COBLL1: variants seen among roughly 807,000 people sequenced by gnomAD.
COBLL1 encodes cordon-bleu protein-like 1.
Under a neutral mutation model 94.8 loss-of-function variants are expected in COBLL1, and 50 were observed. That is an observed-to-expected ratio of 0.53 (90% CI 0.42 to 0.67). The LOEUF (loss-of-function observed/expected upper bound fraction) is 0.67, where lower values mean the gene tolerates loss of function less well. Ranked by LOEUF, COBLL1 falls within the 30% of genes least tolerant of loss-of-function variation. COBLL1 has a pLI of 0.00. For synonymous variants in COBLL1, 448 were observed against 473.8 expected (o/e 0.95, Z 0.71); for missense variants, 1,362 against 1,348.7 (o/e 1.01, Z -0.15).
chr2:164,820,678 G>T (rs1574651424), intron 2 of COBLL1, among the ~76,000 whole-genome samples: 2 of 152,098 alleles, frequency 1.3e-5, no homozygotes, highest in South Asian at 4.1e-4. Flanking sequence ...AAACACACAA[G>T]TTCAAAATGT....
chr2:164,805,333 C>CTATATATATATA (rs1406604214), intron 2 of COBLL1, among the ~76,000 whole-genome samples: 24 of 20,540 alleles, frequency 1.2e-3, no homozygotes, highest in Non-Finnish European at 1.4e-3. Flanking sequence ...CTCTCTCTCT[C>CTATATATATATA]TCTCTATATA....
At chr2:164,761,191 C>T (rs1477270083) in intron 2 of COBLL1, 1 of 152,348 alleles carries the variant, frequency 6.6e-6, no homozygotes, top group Non-Finnish European at 1.5e-5. Context: ...GGTGGATCGC[C>T]TGAGGTCGGG....
chr2:164,815,460 G>A (rs1047573297), intron 2 of COBLL1, among the ~76,000 whole-genome samples: 113 of 150,758 alleles, frequency 7.5e-4, no homozygotes, highest in African/African-American at 2.7e-3. Context: ...AGGCAAGAGA[G>A]CACAGTGATA....
intron 2 of COBLL1, among the ~76,000 whole-genome samples, chr2:164,753,227 C>A (rs1007598211): frequency 8.5e-5 from 13 of 152,108 alleles, no homozygotes; most frequent in Admixed American, 3.3e-4. Context: ...AAGGGAATGG[C>A]AAACCCAAAA....
At chr2:164,727,062 C>T (rs1437524385) in intron 5 of COBLL1, 5 of 1,037,350 alleles carry the variant, frequency 4.8e-6, no homozygotes, top group Middle Eastern at 4.3e-4. Context: ...TCAATATATC[C>T]AATTTCATGT....
chr2:164,670,512 G>A (rs1691226666), intron 1 of COBLL1, among the ~76,000 whole-genome samples: 1 of 152,130 alleles, frequency 6.6e-6, no homozygotes, highest in South Asian at 2.1e-4. Context: ...GTCTATCTTT[G>A]AATCAGTCTC....
intron 7 of COBLL1, among the ~76,000 whole-genome samples, chr2:164,709,011 G>A (rs1684745858): frequency 6.6e-6 from 1 of 152,106 alleles, no homozygotes; most frequent in Non-Finnish European, 1.5e-5. Flanking sequence ...AAAGCAGACA[G>A]TATAGAAATA....
Position 164,722,239 on chromosome 2 carries a change from T to C in COBLL1, c.832A>G (p.Lys278Glu). The C allele has an allele frequency of 6.2e-7, 1 of 1,614,068 alleles. No homozygotes were observed. The highest frequency in any genetic ancestry group is 1.7e-5 in the Admixed American group (1 of 60,006). The change falls in exon 7 of 14, where the codon AAA becomes GAA. Residue 278 changes from lysine (K) to glutamate (E), a missense_variant. Physicochemically the swap from Lys to Glu is moderately conservative, Grantham distance 56. Transcript: ENST00000652658. ...PTFTRSNTIS[K>E]PYISNTLPSD... ...GGCAGGGTGTTGGAAATATATGGTT[T>C]GGAAATGGTATTGGACCTTGTAAAA...
At chr2:164,818,316 GTGT>G (rs1684935502) in intron 2 of COBLL1, among the ~76,000 whole-genome samples, 1 of 99,550 alleles carries the variant, frequency 1.0e-5, no homozygotes, top group African/African-American at 4.0e-5. Context: ...ACATATACAC[GTGT>G]GTATGTATAC....
intron 2 of COBLL1, among the ~76,000 whole-genome samples, chr2:164,751,271 G>GT (rs1375979342): frequency 2.6e-5 from 4 of 152,038 alleles, no homozygotes; most frequent in Non-Finnish European, 5.9e-5. Flanking sequence ...TTATTTCCTT[G>GT]TTTTTTATTT....
chr2:164,689,771 A>G (rs1424378445), intron 13 of COBLL1, among the ~76,000 whole-genome samples: 1 of 152,074 alleles, frequency 6.6e-6, no homozygotes. Flanking sequence ...ATTTATCTGG[A>G]TTACTTAGCT....
intron 2 of COBLL1, among the ~76,000 whole-genome samples, chr2:164,806,861 G>A (rs941354467): frequency 2.0e-5 from 3 of 151,958 alleles, no homozygotes; most frequent in South Asian, 2.1e-4. Context: ...TGCCACACTC[G>A]GCTAATTTTT....
chr2:164,702,286 G>A (rs1349592759), intron 9 of COBLL1, among the ~76,000 whole-genome samples: 1 of 151,980 alleles, frequency 6.6e-6, no homozygotes, highest in Non-Finnish European at 1.5e-5. Context: ...ACTCTAGGCT[G>A]GGCGTGGTGG....
intron 2 of COBLL1, among the ~76,000 whole-genome samples, chr2:164,762,044 G>A (rs559171650): frequency 1.7e-4 from 26 of 152,102 alleles, no homozygotes; most frequent in East Asian, 1.9e-4. Flanking sequence ...AACTTAAACC[G>A]TTCCTATAAC....
chr2:164,791,232 G>C (rs1683174526), intron 2 of COBLL1, among the ~76,000 whole-genome samples: 1 of 152,124 alleles, frequency 6.6e-6, no homozygotes, highest in African/African-American at 2.4e-5. Context: ...AGCACCCCTT[G>C]TCTTAGTAGC....
intron 3 of COBLL1, among the ~76,000 whole-genome samples, chr2:164,738,721 A>T (rs958631327): frequency 6.6e-6 from 1 of 151,940 alleles, no homozygotes; most frequent in African/African-American, 2.4e-5. Flanking sequence ...TACATTTCAC[A>T]TTTTTTTTCA....
intron 2 of COBLL1, among the ~76,000 whole-genome samples, chr2:164,817,315 C>G: frequency 6.8e-6 from 1 of 146,374 alleles, no homozygotes; most frequent in Non-Finnish European, 1.5e-5. Context: ...GAAAGTTTTC[C>G]GAACTTCTAA....
chr2:164,713,294 G>A (rs762213110), intron 7 of COBLL1, among the ~76,000 whole-genome samples: 1 of 152,132 alleles, frequency 6.6e-6, no homozygotes, highest in Non-Finnish European at 1.5e-5. Flanking sequence ...AGGAATAGAG[G>A]TGGCATGTCA....
intron 2 of COBLL1, among the ~76,000 whole-genome samples, chr2:164,771,565 T>C (rs1249978301): frequency 6.6e-6 from 1 of 151,998 alleles, no homozygotes; most frequent in Non-Finnish European, 1.5e-5. Flanking sequence ...CCATATGACT[T>C]GGGAGTTTCA....
Sources: gnomAD v4.1 joint callset for allele counts (sites outside exome capture counted in the v4.1 genomes callset) on GRCh38, gnomAD v4.1.1 for gene constraint, MANE v1.5 for transcripts, NCBI Gene and HGNC (gene_info 2026-07-23, HGNC 2026-07-21) for gene names.